The following DNAJC3 variants were observed in gnomAD, a reference collection of about 807,000 sequenced individuals.
DNAJC3 encodes the protein dnaJ homolog subfamily C member 3.
DNAJC3 carries 38 observed loss-of-function variants against 68.6 expected under a neutral mutation model. The ratio of observed to expected loss-of-function variants is 0.55; its 90% CI spans 0.43 to 0.73. DNAJC3 has a LOEUF of 0.73. DNAJC3 is among the 30% of genes least tolerant of loss of function. The pLI is 0.00. For synonymous variants in DNAJC3, 203 were observed against 204.0 expected, an observed-to-expected ratio of 1.00 and a Z score of 0.04; for missense variants, 526 against 591.9, an observed-to-expected ratio of 0.89 and a Z score of 1.16.
chr13:95,786,098 T>C lies in DNAJC3; in HGVS notation c.1208+27T>C, dbSNP rs370626054. 2.5e-6 allele frequency: 4 copies of C among 1,572,200 alleles called. No homozygotes were observed. In the African/African-American group the frequency reaches 4.1e-5, roughly 16 times the overall value. The stretch of plus-strand genomic sequence containing the variant: ...TGAATTATTAATTTAAAATTTACTT[T>C]GCTATTTTTAATCAACTCTGTTTCA... On this transcript the variant is annotated intron_variant, in intron 10 of 11. Transcript: ENST00000602402.
intron 4 of DNAJC3, among the ~76,000 whole-genome samples, chr13:95,752,721 A>G (rs1327881569): frequency 6.6e-6 from 1 of 152,122 alleles, no homozygotes; most frequent in Non-Finnish European, 1.5e-5. Context: ...TCTTTTATCC[A>G]TACATGCTTT....
chr13:95,733,703 CTTTTTTTTTTTTT>C (rs146677839), intron 4 of DNAJC3, among the ~76,000 whole-genome samples: 4 of 102,966 alleles, frequency 3.9e-5, no homozygotes, highest in East Asian at 2.9e-4. Context: ...CCTGGCCTGT[CTTTTTTTTTTTTT>C]TTTTTTTTTT....
chr13:95,727,786 C>CT (rs959686460), intron 4 of DNAJC3, among the ~76,000 whole-genome samples: 2 of 152,124 alleles, frequency 1.3e-5, no homozygotes, highest in Admixed American at 1.3e-4. Context: ...ATTCCATATA[C>CT]TTTATCACAT....
chr13:95,683,153 A>G (rs1044104032), intron 1 of DNAJC3, among the ~76,000 whole-genome samples: 1 of 152,230 alleles, frequency 6.6e-6, no homozygotes, highest in Non-Finnish European at 1.5e-5. Context: ...CTCTCAAAAC[A>G]ATACAGTGTG....
intron 4 of DNAJC3, among the ~76,000 whole-genome samples, chr13:95,752,159 C>T (rs1217516891): frequency 6.6e-6 from 1 of 152,134 alleles, no homozygotes; most frequent in South Asian, 2.1e-4. Flanking sequence ...TTTCCTTGTG[C>T]AGGGTGTGTC....
intron 1 of DNAJC3, among the ~76,000 whole-genome samples, chr13:95,682,201 C>T (rs1216702279): frequency 1.3e-5 from 2 of 152,184 alleles, no homozygotes; most frequent in African/African-American, 2.4e-5. Context: ...TGTGTTTCTG[C>T]TACAAGACTT....
chr13:95,779,512 T>A (rs902036427), intron 9 of DNAJC3, among the ~76,000 whole-genome samples: 4 of 152,228 alleles, frequency 2.6e-5, no homozygotes, highest in African/African-American at 9.6e-5. Context: ...TAATATGCAA[T>A]ACACATGAAT....
chr13:95,677,296 T>C lies in DNAJC3; in HGVS notation c.41T>C (p.Val14Ala). The C allele has an allele frequency of 6.2e-7, 1 of 1,600,624 alleles. No homozygotes were observed. The highest frequency in any genetic ancestry group is 1.1e-5 in the South Asian group (1 of 89,332). ...PGSVTSRLGSVFPFLLVLVDL... is the reference protein window; with the variant it reads ...PGSVTSRLGSAFPFLLVLVDL... ...TCCGTGACCAGCCGGCTGGGCTCGGTATTCCCCTTCCTGCTAGTCCTGGTG... is the reference window on the plus strand; with the variant it reads ...TCCGTGACCAGCCGGCTGGGCTCGGCATTCCCCTTCCTGCTAGTCCTGGTG... The change falls in exon 1 of 12, where the codon GTA becomes GCA. Residue 14 changes from valine to alanine, a missense_variant. Transcript: ENST00000602402.
At chr13:95,715,404 A>G (rs1416952254) in intron 2 of DNAJC3, among the ~76,000 whole-genome samples, 1 of 152,184 alleles carries the variant, frequency 6.6e-6, no homozygotes, top group Non-Finnish European at 1.5e-5. Flanking sequence ...CTGTCTCCAA[A>G]ATAAAGTGTC....
At chr13:95,711,133 TTCAGATTTTTATTAAAC>T (rs1366902011) in intron 2 of DNAJC3, among the ~76,000 whole-genome samples, 32 of 152,344 alleles carry the variant, frequency 2.1e-4, no homozygotes, top group Non-Finnish European at 2.9e-4. Flanking sequence ...ATTTTTATTA[TTCAGATTTTTATTAAAC>T]TCAGATTTTT....
chr13:95,780,569 C>T (rs1377895018), intron 9 of DNAJC3, among the ~76,000 whole-genome samples: 1 of 152,156 alleles, frequency 6.6e-6, no homozygotes, highest in African/African-American at 2.4e-5. Context: ...TGTCAGCAGC[C>T]CTTGTACAGT....
In DNAJC3 at chr13:95,792,044, C is replaced by T. The variant is rs1453396399; in HGVS notation, c.*1014C>T. 2.0e-5 allele frequency: 3 copies of T among 152,206 alleles called. No homozygotes were observed. Among genetic ancestry groups the T allele is most frequent in the East Asian group, 1.9e-4 (1 of 5,186 alleles). The allele number at this position is 152,206 out of a possible 1,614,324, so 9.4% of individuals were successfully genotyped here. On this transcript the variant is annotated 3_prime_UTR_variant, in exon 12 of 12. Transcript: ENST00000602402. ...TCTTAAAGGTCTGTGGTGCCTCCCA[C>T]GTGGGACCTGTCTGCTGGTATGTGT...
chr13:95,770,264 GA>G (rs566625500), intron 9 of DNAJC3, among the ~76,000 whole-genome samples: 47 of 141,548 alleles, frequency 3.3e-4, no homozygotes, highest in East Asian at 4.1e-4. Context: ...TTTAAGAAAG[GA>G]AAAAAAAAAA....
intron 4 of DNAJC3, among the ~76,000 whole-genome samples, chr13:95,734,526 G>A (rs184576654): frequency 7.2e-5 from 11 of 152,124 alleles, no homozygotes; most frequent in Admixed American, 7.2e-4. Flanking sequence ...ATCTATTTTG[G>A]GTTATCTGAG....
At chr13:95,764,645 C>CATATATATAT (rs755441205) in intron 9 of DNAJC3, among the ~76,000 whole-genome samples, 34 of 56,510 alleles carry the variant, frequency 6.0e-4, no homozygotes, top group Non-Finnish European at 7.9e-4. Context: ...AAATAGAATC[C>CATATATATAT]ATATATATAT....
chr13:95,681,346 A>T (rs1329887231), intron 1 of DNAJC3, among the ~76,000 whole-genome samples: 2 of 152,024 alleles, frequency 1.3e-5, no homozygotes, highest in Non-Finnish European at 2.9e-5. Context: ...ATTTATCTTT[A>T]TTTTTATTTT....
At chr13:95,695,058 A>C (rs1028008218) in intron 1 of DNAJC3, 5 of 152,260 alleles carry the variant, frequency 3.3e-5, no homozygotes, top group African/African-American at 1.2e-4. Flanking sequence ...TTGTTCAATG[A>C]ATCTGAGGTG....
chr13:95,767,788 C>A (rs1883038806), intron 9 of DNAJC3, among the ~76,000 whole-genome samples: 1 of 150,462 alleles, frequency 6.6e-6, no homozygotes, highest in Non-Finnish European at 1.5e-5. Flanking sequence ...CTCCTGGGTT[C>A]AGCTGATTCT....
In DNAJC3 at chr13:95,684,741, A is replaced by C. The variant is rs189169672; in HGVS notation, c.82+7404A>C. 2.0e-5 allele frequency among the ~76,000 whole-genome samples: 3 copies of C among 152,320 alleles called. No individual in the cohort carries two copies. The East Asian group carries it at 5.8e-4, about 29-fold the overall frequency. On this transcript the variant is annotated intron_variant, in intron 1 of 11. Transcript: ENST00000602402. The stretch of plus-strand genomic sequence containing the variant: ...GCCAGGGCCCTGCCAGCCTCAGGAC[A>C]CTGCTGCCTGCATCCTAGTTACTCC...
Sources: allele counts gnomAD v4.1 joint callset (sites outside exome capture counted in the v4.1 genomes callset), GRCh38; gene constraint gnomAD v4.1.1; transcripts MANE v1.5; gene names NCBI Gene and HGNC (gene_info 2026-07-23, HGNC 2026-07-21).